The following TIAM1 variants were observed in gnomAD, a reference collection of about 807,000 sequenced individuals.
The protein encoded by TIAM1 is TIAM Rac1 associated GEF 1, also known as rho guanine nucleotide exchange factor TIAM1.
In TIAM1, 65 loss-of-function variants were observed where a neutral mutation model predicts 163.5. The ratio of observed to expected loss-of-function variants is 0.40; its 90% CI spans 0.33 to 0.49. The LOEUF is 0.49. TIAM1 is among the 20% of genes least tolerant of loss of function. TIAM1 has a pLI of 0.77. For missense variants in TIAM1, 1,789 were observed against 2,044.7 expected, an observed-to-expected ratio of 0.87 and a Z score of 2.41; for synonymous variants, 833 against 810.1, an observed-to-expected ratio of 1.03 and a Z score of -0.48.
At chr21:31,304,893 A>G (rs1451484687) in intron 2 of TIAM1, among the ~76,000 whole-genome samples, 1 of 152,132 alleles carries the variant, frequency 6.6e-6, no homozygotes, top group Admixed American at 6.6e-5. Flanking sequence ...GGTTTTCACC[A>G]TGTTGGCCAA....
chr21:31,123,017 TCAGGCAGAAA>T (rs1207552350), intron 27 of TIAM1, among the ~76,000 whole-genome samples: 1 of 152,200 alleles, frequency 6.6e-6, no homozygotes, highest in Non-Finnish European at 1.5e-5. Context: ...AAATGAGCCA[TCAGGCAGAAA>T]GATCTTTCAA....
chr21:31,207,871 T>C (rs1015497765), intron 11 of TIAM1, among the ~76,000 whole-genome samples: 4 of 152,204 alleles, frequency 2.6e-5, no homozygotes, highest in African/African-American at 9.6e-5. Flanking sequence ...ATTACAGGTG[T>C]GAGCCACCGT....
At chr21:31,465,622 G>A (rs577842492) in intron 1 of TIAM1, among the ~76,000 whole-genome samples, 2 of 151,682 alleles carry the variant, frequency 1.3e-5, no homozygotes, top group African/African-American at 2.4e-5. Flanking sequence ...CCAGGCTGGA[G>A]TGCAGTGGTG....
At chr21:31,295,298 G>A (rs369891011) in intron 2 of TIAM1, among the ~76,000 whole-genome samples, 68 of 152,060 alleles carry the variant, frequency 4.5e-4, no homozygotes, top group African/African-American at 1.1e-3. Context: ...GTGAAACCCC[G>A]TCTCTACTAA....
At chr21:31,368,258 A>T (rs991479771) in intron 2 of TIAM1, among the ~76,000 whole-genome samples, 18 of 152,224 alleles carry the variant, frequency 1.2e-4, no homozygotes, top group African/African-American at 4.1e-4. Flanking sequence ...CATTCTTAAA[A>T]GGCTCCTCAG....
rs1030473564 is a variant in TIAM1 at position 31,266,982 on chromosome 21, G to A, written c.-10C>T. 2 of 1,591,196 alleles carry A rather than the reference G, an allele frequency of 1.3e-6. No individual in the cohort carries two copies. The highest frequency in any genetic ancestry group is 1.7e-6 in the Non-Finnish European group (2 of 1,166,166). On this transcript the variant is annotated splice_region_variant and 5_prime_UTR_variant, in exon 4 of 28. Coordinates refer to ENST00000541036, the MANE Select transcript of TIAM1 (RefSeq NM_001353694.2). The stretch of plus-strand genomic sequence containing the variant: ...TTTCTGCGTTTCCCATGGTTTTATG[G>A]TCTGCAGCAAAGCGGGGGGAAAGGG...
At chr21:31,150,216 T>C (rs2083314327) in intron 19 of TIAM1, among the ~76,000 whole-genome samples, 1 of 152,202 alleles carries the variant, frequency 6.6e-6, no homozygotes, top group Admixed American at 6.5e-5. Flanking sequence ...TATATTCACA[T>C]ACTTATGTGT....
intron 2 of TIAM1, among the ~76,000 whole-genome samples, chr21:31,387,028 T>C (rs1054370681): frequency 5.9e-5 from 9 of 152,024 alleles, no homozygotes; most frequent in Non-Finnish European, 1.0e-4. Context: ...CTCTTAGAAC[T>C]TCTGGTATCT....
intron 1 of TIAM1, among the ~76,000 whole-genome samples, chr21:31,534,630 C>T (rs898150575): frequency 7.2e-5 from 11 of 152,084 alleles, no homozygotes; most frequent in South Asian, 2.1e-4. Flanking sequence ...GTCGAGATCA[C>T]GCCATTGTAC....
chr21:31,124,664 C>G lies in TIAM1; in HGVS notation c.4164G>C (p.Lys1388Asn). ...TATCACGCAGGATTGAATGCACAGC[C>G]TTTAGGAAATCCTTTCGGCTCTCTG... ...SSPESRKDFL[K>N]AVHSILRDKH... Residue 1388 changes from lysine to asparagine, a missense_variant, in exon 27 of 28, where the codon AAG becomes AAC. Lys to Asn is a moderately conservative substitution (Grantham distance 94). Transcript: ENST00000541036. 1 of 1,601,656 alleles carries G rather than the reference C, an allele frequency of 6.2e-7. No individual in the cohort carries two copies. The highest frequency in any genetic ancestry group is 1.7e-4 in the Middle Eastern group (1 of 5,982).
intron 2 of TIAM1, among the ~76,000 whole-genome samples, chr21:31,442,296 G>A (rs909743535): frequency 8.4e-5 from 12 of 142,042 alleles, no homozygotes; most frequent in African/African-American, 1.3e-4. Context: ...GCAGTGGCAC[G>A]ATCTTGGCTC....
At position 31,423,349 on chromosome 21, in the gene TIAM1, C is replaced by T. The variant is rs139821432; in HGVS notation, c.-369+40634G>A. ...TCCTGACCTCATGATCCCCTCGCCT[C>T]GGCCTCCCAAAGCGCTGGGATTACA... On this transcript the variant is annotated intron_variant, in intron 2 of 28. Coordinates refer to the TIAM1 transcript ENST00000286827. Among the ~76,000 whole-genome samples the T allele has an allele frequency of 7.9e-5, 12 of 152,124 alleles. No homozygotes were observed. In the East Asian group the frequency reaches 2.1e-3, roughly 27 times the overall value.
intron 2 of TIAM1, among the ~76,000 whole-genome samples, chr21:31,384,401 CAAAAAA>C (rs5843516): frequency 1.1e-4 from 12 of 107,832 alleles, no homozygotes; most frequent in Middle Eastern, 4.8e-3. Flanking sequence ...CCCATCTCTA[CAAAAAA>C]AAAAAAAAAA....
At chr21:31,318,978 T>C (rs534651932) in intron 2 of TIAM1, among the ~76,000 whole-genome samples, 156 of 152,238 alleles carry the variant, frequency 1.0e-3, no homozygotes, top group African/African-American at 3.5e-3. Flanking sequence ...ACCCTCCTGC[T>C]CCAGCCTCCC....
intron 2 of TIAM1, among the ~76,000 whole-genome samples, chr21:31,330,349 G>A (rs953386223): frequency 3.9e-5 from 6 of 152,154 alleles, no homozygotes; most frequent in Non-Finnish European, 5.9e-5. Context: ...CATCTTGGTC[G>A]TTTCCAAGTT....
At chr21:31,165,907 T>C (rs185630611) in intron 15 of TIAM1, among the ~76,000 whole-genome samples, 1 of 152,202 alleles carries the variant, frequency 6.6e-6, no homozygotes, top group Non-Finnish European at 1.5e-5. Flanking sequence ...GCTCTTCCCA[T>C]GATATTCTGT....
At chr21:31,169,058 C>A (rs137899090) in intron 15 of TIAM1, among the ~76,000 whole-genome samples, 5,282 of 152,260 alleles carry the variant, frequency 0.035, 335 homozygotes, top group African/African-American at 0.12. Context: ...TTTTGGGAGG[C>A]TGAGGCGGGT....
intron 2 of TIAM1, among the ~76,000 whole-genome samples, chr21:31,386,560 C>T (rs1209351123): frequency 6.6e-6 from 1 of 152,106 alleles, no homozygotes; most frequent in Non-Finnish European, 1.5e-5. Context: ...GCTAAGACAC[C>T]CATATTGCAT....
At chr21:31,357,654 G>A (rs902294785) in intron 2 of TIAM1, among the ~76,000 whole-genome samples, 3 of 152,030 alleles carry the variant, frequency 2.0e-5, no homozygotes, top group African/African-American at 4.8e-5. Flanking sequence ...ATTAAAAGAG[G>A]CATCTGTATT....
Sources: allele counts gnomAD v4.1 joint callset (sites outside exome capture counted in the v4.1 genomes callset), GRCh38; gene constraint gnomAD v4.1.1; transcripts MANE v1.5; gene names NCBI Gene and HGNC (gene_info 2026-07-23, HGNC 2026-07-21).